The following NTNG1 variants were observed in gnomAD, a reference collection of about 807,000 sequenced individuals.
NTNG1 encodes netrin G1.
NTNG1 carries 16 observed loss-of-function variants against 54.0 expected under a neutral mutation model. That is an observed-to-expected ratio of 0.30 (90% confidence interval 0.20 to 0.45). The LOEUF is 0.45. Among genes scored for constraint, NTNG1 ranks in the 20% least tolerant of loss-of-function variants. The pLI, the probability that NTNG1 is intolerant of heterozygous loss-of-function variation, is 1.00. For synonymous variants in NTNG1, 255 were observed against 263.1 expected, an observed-to-expected ratio of 0.97 and a Z score of 0.30; for missense variants, 530 against 678.7, an observed-to-expected ratio of 0.78 and a Z score of 2.43.
intron 2 of NTNG1, among the ~76,000 whole-genome samples, chr1:107,240,635 A>G (rs535099661): frequency 5.9e-5 from 9 of 152,302 alleles, no homozygotes; most frequent in Non-Finnish European, 1.3e-4. Context: ...TCTGAAAAGC[A>G]TTGCATGTAT....
chr1:107,160,883 A>G (rs1328258862), intron 2 of NTNG1, among the ~76,000 whole-genome samples: 1 of 152,158 alleles, frequency 6.6e-6, no homozygotes, highest in Admixed American at 6.6e-5. Context: ...AAAGGGGCCT[A>G]CCTGACCACC....
chr1:107,429,456 A>G (rs1675116255), intron 5 of NTNG1, among the ~76,000 whole-genome samples: 1 of 152,146 alleles, frequency 6.6e-6, no homozygotes, highest in Admixed American at 6.6e-5. Context: ...AAAATTTTAT[A>G]TAGGCCAAAA....
At chr1:107,291,982 ATT>A (rs35856386) in intron 2 of NTNG1, among the ~76,000 whole-genome samples, 4 of 149,968 alleles carry the variant, frequency 2.7e-5, no homozygotes, top group Admixed American at 1.3e-4. Flanking sequence ...TAACCAGAAG[ATT>A]TTTTTTTTTA....
At chr1:107,308,956 C>T (rs149244837) in intron 2 of NTNG1, among the ~76,000 whole-genome samples, 13 of 152,178 alleles carry the variant, frequency 8.5e-5, no homozygotes, top group African/African-American at 3.1e-4. Context: ...GGCTTATCAC[C>T]ATCATTTTCA....
chr1:107,381,871 T>C (rs1303180632), intron 3 of NTNG1, among the ~76,000 whole-genome samples: 1 of 152,206 alleles, frequency 6.6e-6, no homozygotes, highest in Non-Finnish European at 1.5e-5. Flanking sequence ...GGATTCTCCA[T>C]GTCATGGCCA....
In NTNG1 at chr1:107,482,152, T is replaced by C. The variant is rs1364659014; in HGVS notation, c.*1312T>C. 3.3e-5 allele frequency: 5 copies of C among 151,940 alleles called. No homozygotes were observed. In the East Asian group the frequency reaches 9.7e-4, roughly 29 times the overall value. 9.4% of individuals were successfully genotyped at this position (151,940 alleles called of 1,614,324 possible). Reference sequence around the variant, plus strand: ...CTAAGAGACTTTTATTTTTAAGTCATGCTATTTTCACAGATTGATGGTGAT... The same window carrying C: ...CTAAGAGACTTTTATTTTTAAGTCACGCTATTTTCACAGATTGATGGTGAT... On this transcript the variant is annotated 3_prime_UTR_variant, in exon 8 of 8. Coordinates refer to ENST00000370068, the MANE Select transcript of NTNG1 (RefSeq NM_001113226.3).
chr1:107,167,338 C>A (rs1655875600), intron 2 of NTNG1, among the ~76,000 whole-genome samples: 1 of 150,756 alleles, frequency 6.6e-6, no homozygotes, highest in South Asian at 2.1e-4. Flanking sequence ...TTACCTTTTC[C>A]ACAGTTTATT....
intron 2 of NTNG1, among the ~76,000 whole-genome samples, chr1:107,285,044 A>G (rs1488149739): frequency 1.3e-5 from 2 of 152,066 alleles, no homozygotes; most frequent in Non-Finnish European, 2.9e-5. Context: ...ACCTATATTA[A>G]GTTTTGTGGG....
chr1:107,170,839 T>C (rs1656165226), intron 2 of NTNG1, among the ~76,000 whole-genome samples: 1 of 152,142 alleles, frequency 6.6e-6, no homozygotes, highest in African/African-American at 2.4e-5. Flanking sequence ...CATTAAAGAA[T>C]ATATTCAAGC....
At chr1:107,195,297 C>T (rs764256893) in intron 2 of NTNG1, among the ~76,000 whole-genome samples, 13 of 152,046 alleles carry the variant, frequency 8.6e-5, no homozygotes, top group African/African-American at 2.2e-4. Context: ...TATTCAGAAT[C>T]GTACAATTTT....
chr1:107,332,437 A>G (rs1668336963), intron 3 of NTNG1, among the ~76,000 whole-genome samples: 1 of 152,118 alleles, frequency 6.6e-6, no homozygotes, highest in South Asian at 2.1e-4. Flanking sequence ...AGCATTTGTA[A>G]GGGAAGCTAC....
At chr1:107,232,705 A>G (rs1661156504) in intron 2 of NTNG1, among the ~76,000 whole-genome samples, 1 of 152,220 alleles carries the variant, frequency 6.6e-6, no homozygotes, top group Non-Finnish European at 1.5e-5. Flanking sequence ...AATGCCTTGC[A>G]TCTTGTAATC....
At chr1:107,293,871 T>G (rs1665779937) in intron 2 of NTNG1, among the ~76,000 whole-genome samples, 1 of 146,298 alleles carries the variant, frequency 6.8e-6, no homozygotes, top group African/African-American at 2.5e-5. Context: ...TATCTTGGAA[T>G]GGTGCACTTA....
intron 2 of NTNG1, among the ~76,000 whole-genome samples, chr1:107,225,851 A>G (rs1660640509): frequency 6.6e-6 from 1 of 152,104 alleles, no homozygotes; most frequent in Admixed American, 6.6e-5. Flanking sequence ...TTTCCGGGCA[A>G]TTAACATATG....
rs146420038 is a variant in NTNG1, at chr1:107,213,701, G to A, written c.246+64862G>A. On this transcript the variant is annotated intron_variant, in intron 2 of 7. Coordinates refer to ENST00000370068, the MANE Select transcript of NTNG1 (RefSeq NM_001113226.3). ...TATGTGTGTATCAGTATGGCTATAT[G>A]TCTTTGTTCTTTCCTAATCATTATT... Among the ~76,000 whole-genome samples the A allele has an allele frequency of 5.3e-5, 8 of 152,208 alleles. No individual in the cohort carries two copies. In the East Asian group the frequency reaches 1.4e-3, roughly 26 times the overall value.
At chr1:107,417,305 A>G (rs549672712) in intron 5 of NTNG1, among the ~76,000 whole-genome samples, 60 of 152,230 alleles carry the variant, frequency 3.9e-4, no homozygotes, top group Admixed American at 2.8e-3. Context: ...AAAGAGAGCA[A>G]CATTTCTGTT....
intron 7 of NTNG1, among the ~76,000 whole-genome samples, chr1:107,441,040 GAA>G (rs71807086): frequency 6.6e-6 from 1 of 151,680 alleles, no homozygotes; most frequent in Non-Finnish European, 1.5e-5. Flanking sequence ...GAAAGAAAGA[GAA>G]AAAAAGTTTT....
At chr1:107,339,120 A>G (rs942534182) in intron 3 of NTNG1, among the ~76,000 whole-genome samples, 2 of 151,938 alleles carry the variant, frequency 1.3e-5, no homozygotes, top group Non-Finnish European at 2.9e-5. Flanking sequence ...CTGATTATGG[A>G]TGGAGGAATA....
rs151211167 is a variant in NTNG1, at chr1:107,181,127, C to T, written c.246+32288C>T. ...ACTTGCACAAGATTAGCTGAGCACT[C>T]CAAGATTGATTTAAATCTGGGACTA... On this transcript the variant is annotated intron_variant, in intron 2 of 7. Coordinates refer to ENST00000370068, the MANE Select transcript of NTNG1 (RefSeq NM_001113226.3). Among the ~76,000 whole-genome samples the T allele has an allele frequency of 2.0e-4, 31 of 152,056 alleles. No individual in the cohort carries two copies. In the East Asian group the frequency reaches 5.6e-3, roughly 27 times the overall value.
Sources: allele counts gnomAD v4.1 joint callset (sites outside exome capture counted in the v4.1 genomes callset), GRCh38; gene constraint gnomAD v4.1.1; transcripts MANE v1.5; gene names NCBI Gene and HGNC (gene_info 2026-07-23, HGNC 2026-07-21).